The following RAB27A variants were observed in gnomAD, a reference collection of about 807,000 sequenced individuals.
RAB27A encodes the protein RAB27A, member RAS oncogene family, also known as ras-related protein Rab-27A.
A neutral mutation model predicts 20.8 loss-of-function variants in RAB27A; 17 were observed. The ratio of observed to expected loss-of-function variants is 0.82; its 90% CI spans 0.56 to 1.23. The LOEUF (loss-of-function observed/expected upper bound fraction) is 1.23. Ranked by LOEUF, RAB27A falls within the 50% of genes most tolerant of loss-of-function variation. RAB27A has a pLI of 0.00. For missense variants in RAB27A, 277 were observed against 266.7 expected (o/e 1.04, Z -0.27); for synonymous variants, 85 against 92.8 (o/e 0.92, Z 0.48).
chr15:55,243,626 C>CA (rs397948720), intron 2 of RAB27A, among the ~76,000 whole-genome samples: 7,667 of 137,734 alleles, frequency 0.056, 565 homozygotes, highest in African/African-American at 0.17. Context: ...GACTCTATCT[C>CA]AAAAAAAAAA....
rs192907433 is a variant in RAB27A, at chr15:55,309,038, G to A, written c.-112+5001C>T. ...ATATAAAGAAAAGTCTTGCCCCATCGGCAAGCTTAACACTGGGGCTTGGGT... is the reference window on the plus strand; with the variant it reads ...ATATAAAGAAAAGTCTTGCCCCATCAGCAAGCTTAACACTGGGGCTTGGGT... On this transcript the variant is annotated intron_variant, in intron 2 of 5. Coordinates refer to the RAB27A transcript ENST00000563262. 7.9e-5 allele frequency among the ~76,000 whole-genome samples: 12 copies of A among 152,228 alleles called. No homozygotes were observed. In the East Asian group the frequency reaches 1.2e-3, roughly 15 times the overall value.
At chr15:55,318,725 C>CAA (rs113104171) in intron 1 of RAB27A, 6,591 of 144,734 alleles carry the variant, frequency 0.046, 214 homozygotes, top group Middle Eastern at 0.057. Context: ...AAAACAAAAA[C>CAA]AAAAAAAAAA....
intron 2 of RAB27A, among the ~76,000 whole-genome samples, chr15:55,258,105 G>A (rs1340698876): frequency 6.6e-6 from 1 of 150,754 alleles, no homozygotes; most frequent in African/African-American, 2.4e-5. Flanking sequence ...ACAGTGAGGA[G>A]GAGTTGTAGT....
intron 2 of RAB27A, among the ~76,000 whole-genome samples, chr15:55,295,028 A>C (rs1293047696): frequency 6.6e-6 from 1 of 152,216 alleles, no homozygotes; most frequent in African/African-American, 2.4e-5. Flanking sequence ...TGGGCATATG[A>C]ATACAATTGA....
intron 1 of RAB27A, among the ~76,000 whole-genome samples, chr15:55,316,079 A>C (rs764919006): frequency 6.6e-5 from 10 of 151,992 alleles, no homozygotes; most frequent in Non-Finnish European, 1.2e-4. Flanking sequence ...TAAAAATACA[A>C]ACATTAGCTA....
At position 55,255,273 on chromosome 15, in the gene RAB27A, C is replaced by CATAA. The variant is rs796866060; in HGVS notation, c.-23+14888_-23+14891dup. Among the ~76,000 whole-genome samples, 75 of 152,350 alleles carry CATAA rather than the reference C, an allele frequency of 4.9e-4. 2 individuals are homozygous for CATAA. Among genetic ancestry groups the CATAA allele is most frequent in the African/African-American group, 1.7e-3 (72 of 41,574 alleles). ...CACTCTCACCCTGGAAGCCTGTTCT[C>CATAA]ATAAATCCATCCTCCTCGGGGTATT... On this transcript the variant is annotated intron_variant, in intron 2 of 6. Coordinates refer to ENST00000336787, the MANE Select transcript of RAB27A (RefSeq NM_183235.3).
chr15:55,208,761 G>A (rs1894775214), intron 6 of RAB27A, among the ~76,000 whole-genome samples: 1 of 152,186 alleles, frequency 6.6e-6, no homozygotes, highest in South Asian at 2.1e-4. Flanking sequence ...ACCATCACTG[G>A]CTTAAACCAA....
intron 2 of RAB27A, among the ~76,000 whole-genome samples, chr15:55,258,368 C>T (rs1897158582): frequency 6.6e-6 from 1 of 152,160 alleles, no homozygotes; most frequent in South Asian, 2.1e-4. Flanking sequence ...GCTTTCCAAC[C>T]TTGTTCATGA....
intron 3 of RAB27A, among the ~76,000 whole-genome samples, chr15:55,230,918 CCAAA>C (rs944135346): frequency 1.7e-4 from 26 of 152,122 alleles, no homozygotes; most frequent in African/African-American, 6.0e-4. Flanking sequence ...AATTCATCAC[CCAAA>C]CAGTGAATGT....
At position 55,205,721 on chromosome 15, in the gene RAB27A, A is replaced by G. The variant is rs747032887; in HGVS notation, c.468-16T>C. On this transcript the variant is annotated splice_polypyrimidine_tract_variant and intron_variant, in intron 6 of 6. Transcript: ENST00000336787. ...GTAGGGGATTCTGGAAGACAGAGAC[A>G]ACTGAGGTAACAACATGTGGAGGGA... The G allele has an allele frequency of 1.5e-5, 24 of 1,593,230 alleles. No homozygotes were observed. In the East Asian group the frequency reaches 4.7e-4, roughly 31 times the overall value.
rs553238351 is a variant in RAB27A at position 55,235,404 on chromosome 15, C to T, written c.-22-448G>A. On this transcript the variant is annotated intron_variant, in intron 2 of 6. Coordinates refer to ENST00000336787, the MANE Select transcript of RAB27A (RefSeq NM_183235.3). The stretch of plus-strand genomic sequence containing the variant: ...TGGAGGTTGCAGTGAGCCAAGATTG[C>T]GCCATTGCACTCCAGCCTGGGCAAC... Among the ~76,000 whole-genome samples, 15 of 151,878 alleles carry T rather than the reference C, an allele frequency of 9.9e-5. No individual in the cohort carries two copies. The South Asian group carries it at 1.7e-3, about 17-fold the overall frequency.
At chr15:55,292,323 C>T (rs1027857196), upstream of RAB27A, among the ~76,000 whole-genome samples, 3 of 152,126 alleles carry the variant, frequency 2.0e-5, no homozygotes, top group East Asian at 1.9e-4. Context: ...AGTCCTAAAG[C>T]GATTAAGCAG....
chr15:55,316,123 T>C (rs960896910), intron 1 of RAB27A, among the ~76,000 whole-genome samples: 11 of 150,512 alleles, frequency 7.3e-5, no homozygotes, highest in Non-Finnish European at 1.5e-5. Flanking sequence ...TCCCAGCTAC[T>C]ACGTAGGCTG....
At chr15:55,226,185 G>T (rs555865833) in intron 5 of RAB27A, among the ~76,000 whole-genome samples, 2 of 152,132 alleles carry the variant, frequency 1.3e-5, no homozygotes, top group Non-Finnish European at 2.9e-5. Context: ...GTGACTCTGG[G>T]CATGACGTGC....
chr15:55,240,174 C>T (rs1694523312), intron 2 of RAB27A, among the ~76,000 whole-genome samples: 1 of 152,216 alleles, frequency 6.6e-6, no homozygotes, highest in African/African-American at 2.4e-5. Flanking sequence ...AAATACTCCA[C>T]TCCTCAAATA....
intron 5 of RAB27A, among the ~76,000 whole-genome samples, chr15:55,227,726 C>G (rs1277856119): frequency 6.6e-6 from 1 of 152,130 alleles, no homozygotes; most frequent in Non-Finnish European, 1.5e-5. Flanking sequence ...ATGTGAAAAC[C>G]ACAGTGCACT....
chr15:55,293,746 G>A (rs1393804402), upstream of RAB27A, among the ~76,000 whole-genome samples: 3 of 151,986 alleles, frequency 2.0e-5, no homozygotes, highest in African/African-American at 7.3e-5. Flanking sequence ...GGCGAAACCC[G>A]TCTCTACTAA....
intron 2 of RAB27A, among the ~76,000 whole-genome samples, chr15:55,307,200 C>T (rs1327549167): frequency 6.6e-6 from 1 of 151,934 alleles, no homozygotes; most frequent in Non-Finnish European, 1.5e-5. Flanking sequence ...GGACAGGCTC[C>T]TTGTAATGTT....
At chr15:55,218,158 T>C (rs1276778173) in intron 6 of RAB27A, among the ~76,000 whole-genome samples, 2 of 152,218 alleles carry the variant, frequency 1.3e-5, no homozygotes, top group Non-Finnish European at 2.9e-5. Flanking sequence ...CACATGTAGA[T>C]CTAGAAATTA....
Sources: allele counts gnomAD v4.1 joint callset (sites outside exome capture counted in the v4.1 genomes callset), GRCh38; gene constraint gnomAD v4.1.1; transcripts MANE v1.5; gene names NCBI Gene and HGNC (gene_info 2026-07-23, HGNC 2026-07-21).